DIP2A: variants seen among roughly 807,000 people sequenced by gnomAD.
DIP2A encodes the protein DIP2 acetate--CoA ligase A.
A neutral mutation model predicts 177.4 loss-of-function variants in DIP2A; 85 were observed. The observed-to-expected ratio is 0.48, with a 90% CI of 0.40 to 0.57. The LOEUF (loss-of-function observed/expected upper bound fraction) is 0.57, where lower values mean the gene tolerates loss of function less well. Among genes scored for constraint, DIP2A ranks in the 20% least tolerant of loss-of-function variants. DIP2A has a pLI of 0.00. For missense variants in DIP2A, 1,791 were observed against 2,100.2 expected (o/e 0.85, Z 2.88); for synonymous variants, 886 against 881.8 (o/e 1.00, Z -0.08).
chr21:46,545,982 C>T, intron 20 of DIP2A, 21 bp downstream of exon 20: 17 of 1,613,956 alleles, frequency 1.1e-5, no homozygotes, highest in Non-Finnish European at 1.3e-5. Flanking sequence ...CCTCCTGTAC[C>T]AGCACTGGCA....
At chr21:46,479,517 C>T (rs1348805535) in intron 1 of DIP2A, among the ~76,000 whole-genome samples, 2 of 152,140 alleles carry the variant, frequency 1.3e-5, no homozygotes, top group Non-Finnish European at 2.9e-5. Context: ...TACTCTTCAG[C>T]GTTAAGCATA....
At chr21:46,492,946 G>GA (rs75274340) in intron 3 of DIP2A, among the ~76,000 whole-genome samples, 94 of 147,198 alleles carry the variant, frequency 6.4e-4, no homozygotes, top group Admixed American at 2.6e-3. Flanking sequence ...AAAAAAGGAA[G>GA]AAAAAAAAAA....
In DIP2A at chr21:46,557,510, C is replaced by T; in HGVS notation, c.3630-75C>T. On this transcript the variant is annotated intron_variant, in intron 30 of 37. Coordinates refer to ENST00000417564, the MANE Select transcript of DIP2A (RefSeq NM_015151.4). The surrounding 1 kb of genome is among the most constrained non-coding windows in gnomAD (Gnocchi z 6.0). Reference sequence around the variant, plus strand: ...CTGTTGTGGCTGGAAAAGAAGTGTTCTTGAGGAAGGGAAGAGTGGAGTGCC... The same window carrying T: ...CTGTTGTGGCTGGAAAAGAAGTGTTTTTGAGGAAGGGAAGAGTGGAGTGCC... The T allele has an allele frequency of 6.7e-7, 1 of 1,493,934 alleles. No individual in the cohort carries two copies. The highest frequency in any genetic ancestry group is 1.4e-5 in the African/African-American group (1 of 72,620). 92.5% of individuals were successfully genotyped at this position (1,493,934 alleles called of 1,614,324 possible).
intron 7 of DIP2A, among the ~76,000 whole-genome samples, chr21:46,509,951 A>G (rs1435849743): frequency 1.3e-5 from 2 of 152,124 alleles, no homozygotes; most frequent in African/African-American, 4.8e-5. Flanking sequence ...TCTCCTCCAC[A>G]CCCGAGGATT....
At chr21:46,547,181 G>GT in intron 21 of DIP2A, 139 bp downstream of exon 21, 1 of 1,432,428 alleles carries the variant, frequency 7.0e-7, no homozygotes, top group Non-Finnish European at 9.2e-7. Flanking sequence ...AACTCCTAAA[G>GT]TAAAAGGAAA....
chr21:46,582,430 C>A, the DIP2A span, among the ~76,000 whole-genome samples: 1 of 152,184 alleles, frequency 6.6e-6, no homozygotes. Context: ...GTACTTGGGA[C>A]CCAAGGCTCT....
chr21:46,560,928 A>G (rs1000310677), intron 33 of DIP2A, 145 bp downstream of exon 33: 1 of 1,472,208 alleles, frequency 6.8e-7, no homozygotes, highest in African/African-American at 1.4e-5. Context: ...CTGGATGGGC[A>G]CATGAGAGGA....
At chr21:46,560,314 C>T (rs1028769331) in intron 32 of DIP2A, among the ~76,000 whole-genome samples, 3 of 152,204 alleles carry the variant, frequency 2.0e-5, no homozygotes, top group South Asian at 2.1e-4. Context: ...GAGTGAGTCT[C>T]GGCTGCGAGC....
At chr21:46,532,020 T>C in intron 9 of DIP2A, 107 bp from the exon 10 acceptor site, 1 of 996,742 alleles carries the variant, frequency 1.0e-6, no homozygotes, top group Non-Finnish European at 1.5e-6. Context: ...GCACAATTAT[T>C]ACAATATTTG....
intron 32 of DIP2A, among the ~76,000 whole-genome samples, chr21:46,559,529 C>A (rs769358633): frequency 6.6e-6 from 1 of 152,216 alleles, no homozygotes; most frequent in Non-Finnish European, 1.5e-5. Flanking sequence ...CAGAGGAGAT[C>A]GGGCGGGAGC....
At chr21:46,467,047 A>G (rs1042264221) in intron 1 of DIP2A, among the ~76,000 whole-genome samples, 23 of 152,258 alleles carry the variant, frequency 1.5e-4, no homozygotes, top group African/African-American at 5.3e-4. Flanking sequence ...CTGTAATCCC[A>G]GCACTTTGGG....
downstream of DIP2A, among the ~76,000 whole-genome samples, chr21:46,574,509 G>A (rs1357581335): frequency 6.6e-6 from 1 of 151,846 alleles, no homozygotes; most frequent in Non-Finnish European, 1.5e-5. Flanking sequence ...GAAAAACAGA[G>A]AAAATCAAGA....
intron 1 of DIP2A, chr21:46,469,287 C>G (rs2055145092): frequency 6.6e-6 from 1 of 152,190 alleles, no homozygotes; most frequent in Admixed American, 6.5e-5. Flanking sequence ...AATAAAGAAT[C>G]CTCTGTAAAT....
rs191043254 is a variant in DIP2A, at chr21:46,485,684, C to T, written c.163+856C>T. On this transcript the variant is annotated intron_variant, in intron 2 of 37. Coordinates refer to ENST00000417564, the MANE Select transcript of DIP2A (RefSeq NM_015151.4). ...AGGAAAGGATTGATTAATTGGACCA[C>T]ATTAAAATTAAGAACTTTTTTTCAA... Among the ~76,000 whole-genome samples the T allele has an allele frequency of 9.4e-3, 1,000 of 106,682 alleles. 5 individuals carry two copies. The highest frequency in any genetic ancestry group is 0.013 in the Non-Finnish European group (656 of 52,460). 70.0% of individuals were successfully genotyped at this position (106,682 alleles called of 152,430 possible).
chr21:46,482,382 C>T lies in DIP2A; in HGVS notation c.92-2375C>T, dbSNP rs1264335685. Among the ~76,000 whole-genome samples, 3 of 152,202 alleles carry T rather than the reference C, an allele frequency of 2.0e-5. No homozygotes were observed. The South Asian group carries it at 6.2e-4, about 32-fold the overall frequency. On this transcript the variant is annotated intron_variant, in intron 1 of 37. Coordinates refer to ENST00000417564, the MANE Select transcript of DIP2A (RefSeq NM_015151.4). ...ACCTTGTAGCCATTGTAACACAACA[C>T]ATTACTCACGTGTTTGTGGTGATGC...
At chr21:46,535,344 C>G (rs1405927465) in intron 13 of DIP2A, among the ~76,000 whole-genome samples, 1 of 152,102 alleles carries the variant, frequency 6.6e-6, no homozygotes, top group Non-Finnish European at 1.5e-5. Context: ...TAAAAATGGA[C>G]TCAGTAGTTT....
At position 46,554,938 on chromosome 21, in the gene DIP2A, G is replaced by GT; in HGVS notation, c.3388+6dup. 1.3e-6 allele frequency: 2 copies of GT among 1,550,818 alleles called. No homozygotes were observed. Among genetic ancestry groups the GT allele is most frequent in the African/African-American group, 1.4e-5 (1 of 73,180 alleles). ...GGCCCACCATCCTAGACACAGGTGCGTGTCCTCGCACTGCCCAGGACCAGT... is the reference window on the plus strand; with the variant it reads ...GGCCCACCATCCTAGACACAGGTGCGTTGTCCTCGCACTGCCCAGGACCAGT... On this transcript the variant is annotated splice_donor_region_variant and intron_variant, in intron 28 of 37. Coordinates refer to ENST00000417564, the MANE Select transcript of DIP2A (RefSeq NM_015151.4).
At chr21:46,511,318 G>A (rs2058300820) in intron 7 of DIP2A, 99 bp from the exon 8 acceptor site, 1 of 1,222,994 alleles carries the variant, frequency 8.2e-7, no homozygotes. Context: ...TTTTATAGTT[G>A]GGATTAAAAA....
chr21:46,568,424 G>A lies in DIP2A; in HGVS notation c.*802G>A, dbSNP rs1286165229. The A allele has an allele frequency of 6.6e-6, 1 of 152,278 alleles. No homozygotes were observed. The highest frequency in any genetic ancestry group is 2.4e-5 in the African/African-American group (1 of 41,434). 9.4% of individuals were successfully genotyped at this position (152,278 alleles called of 1,614,324 possible). ...AGTCCCAGCTACTTGGGAGGCTGAG[G>A]CAGGAGAATGGTATGAACCAGGGAG... On this transcript the variant is annotated 3_prime_UTR_variant, in exon 38 of 38. Transcript: ENST00000417564.
Sources: allele counts gnomAD v4.1 joint callset (sites outside exome capture counted in the v4.1 genomes callset), GRCh38; gene constraint gnomAD v4.1.1; non-coding constraint Gnocchi (gnomAD v3.1); transcripts MANE v1.5; gene names NCBI Gene and HGNC (gene_info 2026-07-23, HGNC 2026-07-21).